DLGAP1: variants seen among roughly 807,000 people sequenced by gnomAD.
The protein encoded by DLGAP1 is disks large-associated protein 1.
In DLGAP1, 11 loss-of-function variants were observed where a neutral mutation model predicts 90.8. The observed-to-expected ratio is 0.12, with a 90% CI of 0.08 to 0.20. The LOEUF (loss-of-function observed/expected upper bound fraction) is 0.20. DLGAP1 is among the 10% of genes least tolerant of loss of function. DLGAP1 has a pLI of 1.00. For synonymous variants in DLGAP1, 558 were observed against 540.7 expected (o/e 1.03, Z -0.44); for missense variants, 1,050 against 1,333.8 (o/e 0.79, Z 3.31).
chr18:4,076,977 C>T (rs576400608), intron 2 of DLGAP1, among the ~76,000 whole-genome samples: 1 of 152,144 alleles, frequency 6.6e-6, no homozygotes, highest in South Asian at 2.1e-4. Context: ...CTTGTTGGCT[C>T]AATGTTTGTT....
chr18:4,119,621 A>T (rs572714963), intron 2 of DLGAP1, among the ~76,000 whole-genome samples: 25 of 152,334 alleles, frequency 1.6e-4, no homozygotes, highest in Admixed American at 1.6e-3. Flanking sequence ...TTGTTCTGGC[A>T]GAGCTAGGAC....
chr18:3,826,132 G>C (rs1016212418), intron 4 of DLGAP1, among the ~76,000 whole-genome samples: 1 of 152,108 alleles, frequency 6.6e-6, no homozygotes, highest in Non-Finnish European at 1.5e-5. Flanking sequence ...CAAAAGAGGG[G>C]ATGGTGAAGG....
chr18:3,842,265 G>C (rs2068759385), intron 4 of DLGAP1, among the ~76,000 whole-genome samples: 2 of 152,108 alleles, frequency 1.3e-5, no homozygotes, highest in Non-Finnish European at 2.9e-5. Context: ...GACAGAGGGA[G>C]TGTTAGGAAA....
Position 4,396,931 on chromosome 18 carries a change from G to A in DLGAP1, c.-267+58075C>T, listed in dbSNP as rs1468438512. On this transcript the variant is annotated intron_variant, in intron 1 of 12. Transcript: ENST00000315677. ...ATCATTTGTACAATAAAATCACAGT[G>A]GAGAAAGAATGAAACAAAGGGTAAA... 3.3e-5 allele frequency among the ~76,000 whole-genome samples: 5 copies of A among 152,132 alleles called. No homozygotes were observed. In the East Asian group the frequency reaches 7.7e-4, roughly 23 times the overall value.
Position 4,288,619 on chromosome 18 carries a change from G to T in DLGAP1, c.-266-137332C>A, listed in dbSNP as rs1196363845. Among the ~76,000 whole-genome samples the T allele has an allele frequency of 3.3e-5, 5 of 152,176 alleles. 1 individual carries two copies. In the South Asian group the frequency reaches 1.0e-3, roughly 32 times the overall value. The stretch of plus-strand genomic sequence containing the variant: ...CAATTTCATGGGTGGGTCTGGCTGT[G>T]CCATGTTTTCATGTGTTGCACAGCT... On this transcript the variant is annotated intron_variant, in intron 1 of 12. Transcript: ENST00000315677.
chr18:3,900,409 C>A (rs2071755335), intron 3 of DLGAP1, among the ~76,000 whole-genome samples: 1 of 152,226 alleles, frequency 6.6e-6, no homozygotes, highest in Non-Finnish European at 1.5e-5. Context: ...GGAAATAACA[C>A]TTTAGCACCT....
Position 3,534,211 on chromosome 18 carries a change from T to C in DLGAP1, c.2462A>G (p.Asn821Ser), listed in dbSNP as rs2144492360. 6.2e-7 allele frequency: 1 copy of C among 1,613,672 alleles called. No homozygotes were observed. The change falls in exon 10 of 13, where the codon AAC becomes AGC. Residue 821 changes from asparagine to serine, a missense_variant. Asn to Ser is a conservative substitution (Grantham distance 46). Coordinates refer to ENST00000315677, the MANE Select transcript of DLGAP1 (RefSeq NM_004746.4). Reference protein sequence around the residue: ...CQQMEREERENNLPEDILGKI... With the variant: ...CQQMEREERESNLPEDILGKI... ...TTACTTACTGTCTTCGGGCAGGTTG[T>C]TTTCCCGTTCTTCCCGCTCCATCTG...
intron 2 of DLGAP1, among the ~76,000 whole-genome samples, chr18:4,034,397 T>G (rs1283745045): frequency 6.6e-6 from 1 of 152,088 alleles, no homozygotes; most frequent in Non-Finnish European, 1.5e-5. Context: ...ATATTATTAA[T>G]CACATTAAAA....
intron 4 of DLGAP1, among the ~76,000 whole-genome samples, chr18:3,844,615 G>A (rs2068903030): frequency 6.6e-6 from 1 of 152,084 alleles, no homozygotes; most frequent in Non-Finnish European, 1.5e-5. Flanking sequence ...CAAAATCATT[G>A]CCGCCATGGT....
At chr18:3,874,939 T>G (rs1313299588) in intron 4 of DLGAP1, among the ~76,000 whole-genome samples, 1 of 152,202 alleles carries the variant, frequency 6.6e-6, no homozygotes, top group Non-Finnish European at 1.5e-5. Flanking sequence ...CCTAAGTCAA[T>G]GTCAGGCAGA....
chr18:4,322,943 G>GAAAAAAAAAA (rs60113288), intron 1 of DLGAP1, among the ~76,000 whole-genome samples: 1 of 97,612 alleles, frequency 1.0e-5, no homozygotes, highest in Non-Finnish European at 1.9e-5. Context: ...CCTGGGCACA[G>GAAAAAAAAAA]AAAAAAAAAA....
chr18:3,800,790 G>A (rs2066253507), intron 5 of DLGAP1, among the ~76,000 whole-genome samples: 1 of 152,054 alleles, frequency 6.6e-6, no homozygotes, highest in Non-Finnish European at 1.5e-5. Context: ...TGTGGGTATG[G>A]TGTATATTGG....
chr18:4,087,498 T>C (rs1467176221), intron 2 of DLGAP1, among the ~76,000 whole-genome samples: 1 of 152,224 alleles, frequency 6.6e-6, no homozygotes, highest in African/African-American at 2.4e-5. Flanking sequence ...CATCCCTTTA[T>C]TTCCTGTAAG....
chr18:4,178,911 T>A (rs1454455290), intron 1 of DLGAP1, among the ~76,000 whole-genome samples: 2 of 152,314 alleles, frequency 1.3e-5, no homozygotes, highest in East Asian at 3.9e-4. Context: ...ACATATATGA[T>A]GCTAGATTAT....
chr18:4,060,042 C>T (rs1033639219), intron 2 of DLGAP1, among the ~76,000 whole-genome samples: 5 of 152,210 alleles, frequency 3.3e-5, no homozygotes, highest in African/African-American at 9.6e-5. Flanking sequence ...GCACAACTTG[C>T]TCCCTCTGTT....
At chr18:4,050,761 T>C (rs2075122178) in intron 2 of DLGAP1, among the ~76,000 whole-genome samples, 1 of 152,260 alleles carries the variant, frequency 6.6e-6, no homozygotes, top group Non-Finnish European at 1.5e-5. Context: ...CTTTAATCTA[T>C]GAATCCAAGT....
rs139026367 is a variant in DLGAP1, at chr18:3,811,025, C to T, written c.1172+3034G>A. Among the ~76,000 whole-genome samples, 213 of 152,188 alleles carry T rather than the reference C, an allele frequency of 1.4e-3. 2 individuals are homozygous for T. The East Asian group carries it at 0.028, about 20-fold the overall frequency. ...TTTGCCATGTTGCCCAGGCTGGTCT[C>T]GAACTCCTGGGCCCAAGCAATCTGC... On this transcript the variant is annotated intron_variant, in intron 5 of 12. Transcript: ENST00000315677.
At chr18:4,361,715 G>T (rs114398061) in intron 1 of DLGAP1, among the ~76,000 whole-genome samples, 1 of 151,818 alleles carries the variant, frequency 6.6e-6, no homozygotes, top group Non-Finnish European at 1.5e-5. Flanking sequence ...AACACAAAAG[G>T]CACAGGCAAC....
intron 10 of DLGAP1, among the ~76,000 whole-genome samples, chr18:3,520,457 C>A (rs115686298): frequency 0.024 from 3,687 of 152,302 alleles, 159 homozygotes; most frequent in African/African-American, 0.085. Context: ...GAATTCCTAA[C>A]CTCCAGTACC....
Sources: gnomAD v4.1 joint callset for allele counts (sites outside exome capture counted in the v4.1 genomes callset) on GRCh38, gnomAD v4.1.1 for gene constraint, MANE v1.5 for transcripts, NCBI Gene and HGNC (gene_info 2026-07-23, HGNC 2026-07-21) for gene names.